GMDS: variants seen among roughly 807,000 people sequenced by gnomAD.
The protein encoded by GMDS is GDP-mannose 4,6-dehydratase.
Under a neutral mutation model 49.9 loss-of-function variants are expected in GMDS, and 20 were observed. That is an observed-to-expected ratio of 0.40 (90% CI 0.28 to 0.58). The LOEUF (loss-of-function observed/expected upper bound fraction) is 0.58, where lower values mean the gene tolerates loss of function less well. Among genes scored for constraint, GMDS ranks in the 20% least tolerant of loss-of-function variants. The pLI is 0.42. For synonymous variants in GMDS, 177 were observed against 178.6 expected (o/e 0.99, Z 0.07); for missense variants, 362 against 481.4 (o/e 0.75, Z 2.32).
At chr6:1,861,390 G>GGGCC (rs778395203) in intron 7 of GMDS, among the ~76,000 whole-genome samples, 16 of 152,166 alleles carry the variant, frequency 1.1e-4, no homozygotes, top group Non-Finnish European at 2.2e-4. Context: ...GGACCAGGAG[G>GGGCC]GGCCACTCCA....
At position 1,830,778 on chromosome 6, in the gene GMDS, C is replaced by A. The variant is rs1360494877; in HGVS notation, c.772-88192G>T. Among the ~76,000 whole-genome samples, 4 of 152,080 alleles carry A rather than the reference C, an allele frequency of 2.6e-5. No homozygotes were observed. The East Asian group carries it at 5.8e-4, about 22-fold the overall frequency. ...GAAATTTATATAAAATTGAATCCTCCACACTATACACTATAGTATACACAC... is the reference window on the plus strand; with the variant it reads ...GAAATTTATATAAAATTGAATCCTCAACACTATACACTATAGTATACACAC... On this transcript the variant is annotated intron_variant, in intron 7 of 10. Transcript: ENST00000380815.
At chr6:1,723,903 G>A (rs1766482937) in intron 9 of GMDS, among the ~76,000 whole-genome samples, 1 of 152,122 alleles carries the variant, frequency 6.6e-6, no homozygotes, top group African/African-American at 2.4e-5. Flanking sequence ...ATTGGCTCTT[G>A]GGACCTCACA....
intron 4 of GMDS, among the ~76,000 whole-genome samples, chr6:2,070,476 T>C (rs1484466699): frequency 2.0e-5 from 3 of 152,162 alleles, no homozygotes; most frequent in African/African-American, 4.8e-5. Flanking sequence ...ATTTATGATA[T>C]AGTAATACAT....
chr6:1,737,821 CAA>C (rs547545659), intron 8 of GMDS, among the ~76,000 whole-genome samples: 988 of 82,764 alleles, frequency 0.012, 12 homozygotes, highest in South Asian at 0.041. Context: ...ACACACACCA[CAA>C]AGACACACCA....
chr6:2,102,782 C>T (rs1202198532), intron 4 of GMDS, among the ~76,000 whole-genome samples: 2 of 152,144 alleles, frequency 1.3e-5, no homozygotes, highest in African/African-American at 4.8e-5. Flanking sequence ...ATTCAATTAT[C>T]TTACACCCTG....
intron 9 of GMDS, among the ~76,000 whole-genome samples, chr6:1,633,767 G>C (rs1034176512): frequency 6.6e-6 from 1 of 152,178 alleles, no homozygotes; most frequent in African/African-American, 2.4e-5. Context: ...CACGAGGCTG[G>C]GAGGGACACA....
At chr6:2,000,196 C>T (rs570679310) in intron 4 of GMDS, among the ~76,000 whole-genome samples, 9 of 146,924 alleles carry the variant, frequency 6.1e-5, no homozygotes, top group African/African-American at 2.0e-4. Flanking sequence ...CCACCATGCC[C>T]GGCTAATTTT....
At chr6:1,809,337 G>A (rs764120723) in intron 7 of GMDS, among the ~76,000 whole-genome samples, 15 of 152,154 alleles carry the variant, frequency 9.9e-5, no homozygotes, top group Admixed American at 3.3e-4. Flanking sequence ...CAGCTGTACC[G>A]GCCGGGAGCT....
At chr6:1,639,055 G>A (rs1025969697) in intron 9 of GMDS, among the ~76,000 whole-genome samples, 48 of 152,252 alleles carry the variant, frequency 3.2e-4, no homozygotes, top group Middle Eastern at 6.8e-3. Flanking sequence ...GGTGATCTCC[G>A]ACAGGTACCT....
intron 9 of GMDS, among the ~76,000 whole-genome samples, chr6:1,723,349 C>T (rs1349057585): frequency 1.0e-4 from 12 of 117,824 alleles, no homozygotes; most frequent in African/African-American, 2.7e-4. Context: ...TTTTTTTAGA[C>T]GGAGTCTCGC....
chr6:2,058,372 A>T (rs1435090152), intron 4 of GMDS, among the ~76,000 whole-genome samples: 1 of 152,068 alleles, frequency 6.6e-6, no homozygotes. Context: ...AGAGAAGTTA[A>T]TGCATTAGAA....
intron 4 of GMDS, among the ~76,000 whole-genome samples, chr6:2,038,188 G>A (rs1430405862): frequency 6.6e-6 from 1 of 152,114 alleles, no homozygotes; most frequent in East Asian, 1.9e-4. Context: ...ACACAAAGCT[G>A]GTTTTGTCCC....
At chr6:1,907,229 C>T (rs1760824183) in intron 7 of GMDS, among the ~76,000 whole-genome samples, 1 of 152,146 alleles carries the variant, frequency 6.6e-6, no homozygotes, top group Non-Finnish European at 1.5e-5. Flanking sequence ...ACTCAACACG[C>T]ATAGACTCTG....
chr6:1,910,537 T>C lies in GMDS; in HGVS notation c.771+19566A>G, dbSNP rs183593670. 1.0e-3 allele frequency among the ~76,000 whole-genome samples: 153 copies of C among 152,188 alleles called. 2 individuals carry two copies. The highest frequency in any genetic ancestry group is 2.0e-3 in the Non-Finnish European group (138 of 68,024). On this transcript the variant is annotated intron_variant, in intron 7 of 10. Coordinates refer to ENST00000380815, the MANE Select transcript of GMDS (RefSeq NM_001500.4). ...TTCTCAGTTTCTAAATCTTAACCTG[T>C]GTTGAACTCCAGCCCCCTCCCTTTG...
intron 8 of GMDS, 54 bp from the exon 9 acceptor site, chr6:1,726,566 C>T: frequency 7.6e-7 from 1 of 1,312,792 alleles, no homozygotes; most frequent in Non-Finnish European, 1.1e-6. Flanking sequence ...AACATTTGGC[C>T]ATGCTGTAGC....
intron 7 of GMDS, among the ~76,000 whole-genome samples, chr6:1,749,821 C>G (rs1300479353): frequency 6.6e-6 from 1 of 152,034 alleles, no homozygotes; most frequent in Non-Finnish European, 1.5e-5. Context: ...GTCATGGTAT[C>G]TGTCTCAAAT....
intron 7 of GMDS, among the ~76,000 whole-genome samples, chr6:1,884,299 G>T (rs971840674): frequency 6.6e-6 from 1 of 152,150 alleles, no homozygotes; most frequent in African/African-American, 2.4e-5. Flanking sequence ...GATATAAGAG[G>T]GCAATTTATA....
At chr6:1,916,628 A>G (rs188910118) in intron 7 of GMDS, among the ~76,000 whole-genome samples, 97 of 152,346 alleles carry the variant, frequency 6.4e-4, no homozygotes, top group Admixed American at 6.0e-3. Flanking sequence ...GAAATGCTCA[A>G]TAAAGCCAGT....
chr6:2,190,215 T>C (rs1361285058), intron 1 of GMDS, among the ~76,000 whole-genome samples: 1 of 152,214 alleles, frequency 6.6e-6, no homozygotes, highest in Non-Finnish European at 1.5e-5. Flanking sequence ...TTGCAAACTA[T>C]GGGAATTTTA....
Sources: allele counts gnomAD v4.1 joint callset (sites outside exome capture counted in the v4.1 genomes callset), GRCh38; gene constraint gnomAD v4.1.1; transcripts MANE v1.5; gene names NCBI Gene and HGNC (gene_info 2026-07-23, HGNC 2026-07-21).